BRIX1: variants seen among roughly 807,000 people sequenced by gnomAD.
BRIX1 encodes the protein ribosome biogenesis protein BRX1 homolog.
Under a neutral mutation model 44.0 loss-of-function variants are expected in BRIX1, and 15 were observed. The ratio of observed to expected loss-of-function variants is 0.34; its 90% CI spans 0.23 to 0.53. The LOEUF is 0.53. Ranked by LOEUF, BRIX1 falls within the 20% of genes least tolerant of loss-of-function variation. The probability of loss-of-function intolerance (pLI) is 0.95; values close to 1 mark genes in which losing one functional copy is unlikely to be tolerated. For missense variants in BRIX1, 420 were observed against 432.8 expected, an observed-to-expected ratio of 0.97 and a Z score of 0.26; for synonymous variants, 149 against 135.4, an observed-to-expected ratio of 1.10 and a Z score of -0.70.
At chr5:34,916,061 G>A (rs1764074719) in intron 1 of BRIX1, 164 bp downstream of exon 1, 2 of 779,722 alleles carry the variant, frequency 2.6e-6, no homozygotes, top group African/African-American at 3.6e-5. Flanking sequence ...GGAGTTTGCA[G>A]CTAATCCTTG....
At chr5:34,919,296 A>G (rs906121616) in intron 2 of BRIX1, among the ~76,000 whole-genome samples, 2 of 150,454 alleles carry the variant, frequency 1.3e-5, no homozygotes, top group African/African-American at 4.9e-5. Flanking sequence ...AAAAAAAAAA[A>G]AAAAGTTTGG....
chr5:34,919,963 C>A, intron 3 of BRIX1, 80 bp downstream of exon 3: 1 of 581,058 alleles, frequency 1.7e-6, no homozygotes. Flanking sequence ...CATTCAGTGA[C>A]TTTAAAAATT....
At chr5:34,920,634 A>C (rs1450115379) in intron 3 of BRIX1, 2 of 152,226 alleles carry the variant, frequency 1.3e-5, no homozygotes, top group East Asian at 1.9e-4. Flanking sequence ...AGCAGGTTAT[A>C]GGTTTTGGAC....
chr5:34,922,195 T>G, intron 3 of BRIX1, 22 bp from the exon 4 acceptor site: 1 of 1,364,480 alleles, frequency 7.3e-7, no homozygotes, highest in Non-Finnish European at 1.0e-6. Flanking sequence ...TACTTCATTT[T>G]CCTATACTTT....
Position 34,918,384 on chromosome 5 carries a change from A to G in BRIX1, c.180A>G (p.Glu60=). The G allele has an allele frequency of 6.4e-7, 1 of 1,559,722 alleles. No homozygotes were observed. The highest frequency in any genetic ancestry group is 8.8e-7 in the Non-Finnish European group (1 of 1,135,450). ...PVCKGKWKNK[E]RILIFSSRGI... is the part of the protein sequence containing the mutation. The stretch of plus-strand genomic sequence containing the variant: ...TTTAGGGAAAGTGGAAAAATAAGGA[A>G]CGGATTCTCATCTTTTCTTCCAGAG... Residue 60 remains glutamate, a synonymous_variant, in exon 2 of 10, where the codon GAA becomes GAG. Coordinates refer to ENST00000336767, the MANE Select transcript of BRIX1 (RefSeq NM_018321.4).
In BRIX1 at chr5:34,922,512, T is replaced by G. The variant is rs77684821; in HGVS notation, c.387-27T>G. 2.3e-4 allele frequency: 345 copies of G among 1,515,588 alleles called. 2 individuals carry two copies. In the East Asian group the frequency reaches 7.3e-3, roughly 32 times the overall value. 93.9% of individuals were successfully genotyped at this position (1,515,588 alleles called of 1,614,324 possible). Reference sequence around the variant, plus strand: ...GCATTGACTACATTTGCTAATTAGTTGAAAAAGCTTACTCCATATCTTTCA... The same window carrying G: ...GCATTGACTACATTTGCTAATTAGTGGAAAAAGCTTACTCCATATCTTTCA... On this transcript the variant is annotated intron_variant, in intron 4 of 9. Transcript: ENST00000336767.
chr5:34,915,959 T>C, intron 1 of BRIX1, 62 bp downstream of exon 1: 1 of 1,471,618 alleles, frequency 6.8e-7, no homozygotes, highest in Non-Finnish European at 9.0e-7. Flanking sequence ...TTTCTTGGGT[T>C]ACTTACTTGA....
rs1251044481 is a variant in BRIX1, at chr5:34,925,348, T to G, written c.915T>G (p.Asp305Glu). ...KTLLPHDPTA[D>E]VFVTPAEEKP... Reference sequence around the variant, plus strand: ...TTCTTCCACATGATCCCACTGCAGATGTTTTTGTAACACCAGCTGAGGAGA... The same window carrying G: ...TTCTTCCACATGATCCCACTGCAGAGGTTTTTGTAACACCAGCTGAGGAGA... Residue 305 changes from aspartate to glutamate, a missense_variant, in exon 10 of 10, where the codon GAT becomes GAG. By Grantham distance (45) the Asp-to-Glu change is conservative (BLOSUM62 2). Coordinates refer to ENST00000336767, the MANE Select transcript of BRIX1 (RefSeq NM_018321.4). 6.2e-7 allele frequency: 1 copy of G among 1,614,058 alleles called. No homozygotes were observed. Among genetic ancestry groups the G allele is most frequent in the Non-Finnish European group, 8.5e-7 (1 of 1,180,018 alleles).
In BRIX1 at chr5:34,922,123, T is replaced by A. The variant is rs1177317724; in HGVS notation, c.316-94T>A. 1.1e-5 allele frequency: 7 copies of A among 666,336 alleles called. No homozygotes were observed. The East Asian group carries it at 2.0e-4, about 19-fold the overall frequency. The allele number at this position is 666,336 out of a possible 1,614,324, so 41.3% of individuals were successfully genotyped here. On this transcript the variant is annotated intron_variant, in intron 3 of 9. Coordinates refer to ENST00000336767, the MANE Select transcript of BRIX1 (RefSeq NM_018321.4). ...GTAGCCTATTAGCCTGGTTAGGTAT[T>A]TTTGAGATAATCTGGATGATATTAA...
intron 1 of BRIX1, 34 bp from the exon 2 acceptor site, chr5:34,918,330 T>C: frequency 8.8e-7 from 1 of 1,140,956 alleles, no homozygotes; most frequent in South Asian, 1.3e-5. Flanking sequence ...CAGTATAAGA[T>C]TTTAAAATCT....
At chr5:34,917,043 T>G (rs1278253654) in intron 1 of BRIX1, among the ~76,000 whole-genome samples, 1 of 151,972 alleles carries the variant, frequency 6.6e-6, no homozygotes, top group East Asian at 1.9e-4. Flanking sequence ...CCTAGTATAA[T>G]AAGATAAAGA....
At chr5:34,916,752 G>A (rs970480924) in intron 1 of BRIX1, 6 of 152,222 alleles carry the variant, frequency 3.9e-5, no homozygotes, top group African/African-American at 1.4e-4. Flanking sequence ...GACCCCGTGT[G>A]GTGTGATGGC....
Position 34,915,742 on chromosome 5 carries a change from G to A in BRIX1, c.4G>A (p.Ala2Thr), listed in dbSNP as rs866505381. The change falls in exon 1 of 10, where the codon GCG becomes ACG. Residue 2 changes from alanine to threonine, a missense_variant. Transcript: ENST00000336767. The stretch of plus-strand genomic sequence containing the variant: ...AGAGCGCGGGCGGCGAGGCAAGATG[G>A]CGGCAACCAAGAGGAAACGGCGTGG... M[A>T]ATKRKRRGGF... 1 of 1,600,874 alleles carries A rather than the reference G, an allele frequency of 6.2e-7. No individual in the cohort carries two copies. The highest frequency in any genetic ancestry group is 1.1e-5 in the South Asian group (1 of 89,378).
At chr5:34,924,264 G>T (rs1358570395) in intron 8 of BRIX1, among the ~76,000 whole-genome samples, 1 of 152,228 alleles carries the variant, frequency 6.6e-6, no homozygotes, top group Non-Finnish European at 1.5e-5. Flanking sequence ...CATAAACTGA[G>T]CTCTTTTCTG....
In BRIX1 at chr5:34,915,977, C is replaced by T. The variant is rs1454939680; in HGVS notation, c.159+80C>T. 5.7e-5 allele frequency: 82 copies of T among 1,430,156 alleles called. 1 individual carries two copies. The highest frequency in any genetic ancestry group is 4.8e-5 in the Non-Finnish European group (52 of 1,084,068). The allele number at this position is 1,430,156 out of a possible 1,614,324, so 88.6% of individuals were successfully genotyped here. On this transcript the variant is annotated intron_variant, in intron 1 of 9. Transcript: ENST00000336767. ...CTTGGGTTACTTACTTGACTACAGC[C>T]TTGCTTAATTTCAGAGTAGCCCGGG...
At chr5:34,917,020 A>C (rs1007200518) in intron 1 of BRIX1, among the ~76,000 whole-genome samples, 4 of 152,234 alleles carry the variant, frequency 2.6e-5, no homozygotes, top group Admixed American at 6.5e-5. Flanking sequence ...CAGGAGATAT[A>C]GATTATTTTT....
intron 8 of BRIX1, among the ~76,000 whole-genome samples, chr5:34,923,964 G>C (rs1480542626): frequency 6.6e-6 from 1 of 152,100 alleles, no homozygotes. Context: ...GAGATACTTG[G>C]GTTCCTAATT....
At position 34,915,721 on chromosome 5, in the gene BRIX1, C is replaced by T. The variant is rs1462668163; in HGVS notation, c.-18C>T. 3 of 1,589,728 alleles carry T rather than the reference C, an allele frequency of 1.9e-6. No homozygotes were observed. Among genetic ancestry groups the T allele is most frequent in the South Asian group, 1.1e-5 (1 of 87,504 alleles). Reference sequence around the variant, plus strand: ...GCAGCGCCGGAAAGGAGGCCAAGAGCGCGGGCGGCGAGGCAAGATGGCGGC... The same window carrying T: ...GCAGCGCCGGAAAGGAGGCCAAGAGTGCGGGCGGCGAGGCAAGATGGCGGC... On this transcript the variant is annotated 5_prime_UTR_variant, in exon 1 of 10. Transcript: ENST00000336767.
rs1764283848 is a variant in BRIX1, at chr5:34,923,394, C to T, written c.663+160C>T. ...TCCCGGGTTCAAGCTTCTGCTCCCT[C>T]AGTCTCCTGAGTAGCTGGGATTACA... is the stretch of plus-strand genomic sequence containing the variant. On this transcript the variant is annotated intron_variant, in intron 8 of 9. Transcript: ENST00000336767. The T allele has an allele frequency of 1.3e-5, 8 of 617,470 alleles. No homozygotes were observed. The South Asian group carries it at 1.6e-4, about 12-fold the overall frequency. 38.2% of individuals were successfully genotyped at this position (617,470 alleles called of 1,614,324 possible). A position where few individuals can be genotyped will look rare whatever the true frequency, so the allele number is the denominator to read the frequency against.
Sources: allele counts gnomAD v4.1 joint callset (sites outside exome capture counted in the v4.1 genomes callset), GRCh38; gene constraint gnomAD v4.1.1; transcripts MANE v1.5; gene names NCBI Gene and HGNC (gene_info 2026-07-23, HGNC 2026-07-21).